Variants in BSG observed in about 807,000 individuals in gnomAD.
The protein encoded by BSG is basigin.
BSG carries 37 observed loss-of-function variants against 43.1 expected under a neutral mutation model. That is an observed-to-expected ratio of 0.86 (90% CI 0.66 to 1.13). BSG has a LOEUF of 1.13. Ranked by LOEUF, BSG falls within the 50% of genes most tolerant of loss-of-function variation. The probability of loss-of-function intolerance (pLI) is 0.00; values close to 1 mark genes in which losing one functional copy is unlikely to be tolerated. For missense variants in BSG, 599 were observed against 554.2 expected, an observed-to-expected ratio of 1.08 and a Z score of -0.81; for synonymous variants, 309 against 238.7, an observed-to-expected ratio of 1.29 and a Z score of -2.72.
chr19:574,381 G>C (rs1183706717), intron 1 of BSG, among the ~76,000 whole-genome samples: 2 of 151,972 alleles, frequency 1.3e-5, no homozygotes, highest in Admixed American at 1.3e-4. Flanking sequence ...GTGAAACCCC[G>C]TCTCTACTAA....
At chr19:582,457 G>A in intron 7 of BSG, 57 bp from the exon 8 acceptor site, 3 of 1,602,300 alleles carry the variant, frequency 1.9e-6, no homozygotes, top group Non-Finnish European at 2.6e-6. Flanking sequence ...GGGCAGGGGT[G>A]ACTTGGAGAG....
chr19:581,494 C>T lies in BSG; in HGVS notation c.972C>T (p.Ala324=). The T allele has an allele frequency of 3.1e-6, 5 of 1,600,492 alleles. No individual in the cohort carries two copies. In the South Asian group the frequency reaches 3.3e-5, roughly 11 times the overall value. The change falls in exon 6 of 9, where the codon GCC becomes GCT. Residue 324 remains alanine (A), a synonymous_variant. Transcript: ENST00000333511. ...TCCGCGTGCGCAGCCACCTGGCCGC[C>T]CTCTGGCCCTTCCTGGGCATCGTGG... The part of the protein sequence containing the change: ...ITLRVRSHLA[A]LWPFLGIVAE...
At chr19:574,757 G>A (rs1008771005) in intron 1 of BSG, among the ~76,000 whole-genome samples, 16 of 152,194 alleles carry the variant, frequency 1.1e-4, no homozygotes, top group Non-Finnish European at 2.1e-4. Context: ...CTACGTCTGA[G>A]ATTTCGTCTT....
chr19:574,540 G>A (rs543921498), intron 1 of BSG, among the ~76,000 whole-genome samples: 46 of 149,880 alleles, frequency 3.1e-4, no homozygotes, highest in African/African-American at 1.1e-3. Context: ...GCGACAGAGC[G>A]AGACCCCGTC....
At chr19:577,424 A>G (rs182434553) in intron 1 of BSG, among the ~76,000 whole-genome samples, 21 of 152,182 alleles carry the variant, frequency 1.4e-4, no homozygotes, top group African/African-American at 4.8e-4. Context: ...ATCGGGCAGA[A>G]GTCAGAGGAC....
At position 580,744 on chromosome 19, in the gene BSG, G is replaced by T. The variant is rs542264201; in HGVS notation, c.754G>T (p.Asp252Tyr). ...CKSESVPPVT[D>Y]WAWYKITDSE... ...GTCAGAGTCCGTGCCACCTGTCACTGACTGGGCCTGGTACAAGATCACTGA... is the reference window on the plus strand; with the variant it reads ...GTCAGAGTCCGTGCCACCTGTCACTTACTGGGCCTGGTACAAGATCACTGA... Residue 252 changes from aspartate (D) to tyrosine (Y), a missense_variant, in exon 5 of 9, where the codon GAC becomes TAC. Coordinates refer to ENST00000333511, the MANE Select transcript of BSG (RefSeq NM_001728.4). 2.5e-6 allele frequency: 4 copies of T among 1,612,736 alleles called. No homozygotes were observed. The highest frequency in any genetic ancestry group is 3.4e-6 in the Non-Finnish European group (4 of 1,179,856).
upstream of BSG, chr19:572,590 G>GGCGGCA (rs753777231): frequency 5.5e-6 from 8 of 1,447,930 alleles, no homozygotes; most frequent in Non-Finnish European, 7.3e-6. Flanking sequence ...CGCGGGCGGC[G>GGCGGCA]GCGGCAGCGG....
chr19:581,716 T>G, intron 6 of BSG, 125 bp downstream of exon 6: 1 of 1,292,824 alleles, frequency 7.7e-7, no homozygotes, highest in East Asian at 2.5e-5. Context: ...AGGCAGGGAG[T>G]TGATGGGACC....
chr19:579,961 G>C (rs1982139546), intron 3 of BSG: 1 of 442,082 alleles, frequency 2.3e-6, no homozygotes, highest in Non-Finnish European at 4.1e-6. Context: ...CCCAGGCTCT[G>C]TGCTCCTGGC....
At chr19:582,460 T>C (rs570527862) in intron 7 of BSG, 54 bp from the exon 8 acceptor site, 6 of 1,599,510 alleles carry the variant, frequency 3.8e-6, no homozygotes, top group Non-Finnish European at 5.1e-6. Flanking sequence ...CAGGGGTGAC[T>C]TGGAGAGAGT....
chr19:576,273 C>T (rs758782584), intron 1 of BSG, among the ~76,000 whole-genome samples: 18 of 152,318 alleles, frequency 1.2e-4, no homozygotes, highest in Admixed American at 4.6e-4. Context: ...GATGTGGAGC[C>T]CAGCCCTGCA....
Position 582,534 on chromosome 19 carries a change from A to T in BSG, c.1115A>T (p.Gln372Leu). Residue 372 changes from glutamine to leucine, a missense_variant, in exon 8 of 9, where the codon CAG becomes CTG. Physicochemically the swap from Gln to Leu is moderately radical, Grantham distance 113. Coordinates refer to ENST00000333511, the MANE Select transcript of BSG (RefSeq NM_001728.4). ...CCCAGGAAGAGCAGCGGGCAGCACCAGAATGACAAAGGCAAGAACGTCCGC... is the reference window on the plus strand; with the variant it reads ...CCCAGGAAGAGCAGCGGGCAGCACCTGAATGACAAAGGCAAGAACGTCCGC... ...SAPLKSSGQHQNDKGKNVRQR... is the reference protein window; with the variant it reads ...SAPLKSSGQHLNDKGKNVRQR... 3 of 1,607,798 alleles carry T rather than the reference A, an allele frequency of 1.9e-6. No individual in the cohort carries two copies. The highest frequency in any genetic ancestry group is 1.7e-6 in the Non-Finnish European group (2 of 1,178,058).
chr19:574,079 AC>A (rs1312860646), intron 1 of BSG, among the ~76,000 whole-genome samples: 10 of 150,224 alleles, frequency 6.7e-5, no homozygotes, highest in Non-Finnish European at 1.2e-4. Context: ...ACATGGTGAA[AC>A]CCCATCTCTA....
At chr19:576,223 G>A (rs565860293) in intron 1 of BSG, among the ~76,000 whole-genome samples, 1 of 152,342 alleles carries the variant, frequency 6.6e-6, no homozygotes, top group East Asian at 1.9e-4. Context: ...GGTGAGGTGA[G>A]TCAGGGGCCA....
At chr19:575,471 G>T (rs1285252164) in intron 1 of BSG, 2 of 151,926 alleles carry the variant, frequency 1.3e-5, no homozygotes, top group African/African-American at 2.4e-5. Context: ...GGTCCCGAGG[G>T]TGGAGGGCTT....
chr19:582,165 T>A (rs2145903938), intron 6 of BSG, 141 bp from the exon 7 acceptor site: 1 of 1,058,856 alleles, frequency 9.4e-7, no homozygotes, highest in East Asian at 2.5e-5. Flanking sequence ...TGGCCGGGGC[T>A]GATGAGCTGC....
Position 577,877 on chromosome 19 carries a change from G to GT in BSG, c.174dup (p.Glu59Ter). On this transcript the variant is annotated frameshift_variant, in exon 2 of 9. Transcript: ENST00000333511. LOFTEE classifies it high-confidence loss of function. ...GCCCGGTGCCCGAGATCCAGTGGTG[G>GT]TTTGAAGGGCAGGGTCCCAACGACA... 6.3e-7 allele frequency: 1 copy of GT among 1,575,664 alleles called. No homozygotes were observed. Among genetic ancestry groups the GT allele is most frequent in the Non-Finnish European group, 8.7e-7 (1 of 1,155,938 alleles).
intron 1 of BSG, among the ~76,000 whole-genome samples, chr19:574,887 A>G (rs930949062): frequency 2.6e-5 from 4 of 152,196 alleles, no homozygotes; most frequent in African/African-American, 4.8e-5. Context: ...AGCGCGGAAG[A>G]TAAGCCGCCC....
chr19:578,395 C>A (rs1047219346), intron 2 of BSG, among the ~76,000 whole-genome samples: 4 of 152,076 alleles, frequency 2.6e-5, no homozygotes, highest in Non-Finnish European at 5.9e-5. Context: ...CCATCCGTTC[C>A]GTCGTTTCTG....
Sources: gnomAD v4.1 joint callset for allele counts (sites outside exome capture counted in the v4.1 genomes callset) on GRCh38, gnomAD v4.1.1 for gene constraint, MANE v1.5 for transcripts, NCBI Gene and HGNC (gene_info 2026-07-23, HGNC 2026-07-21) for gene names.